Variants in ZNF85 observed in about 807,000 individuals in gnomAD.
The protein encoded by ZNF85 is zinc finger protein 85, also known as zinc finger protein 85 (HPF4, HTF1).
A neutral mutation model predicts 53.9 loss-of-function variants in ZNF85; 50 were observed. The observed-to-expected ratio is 0.93, with a 90% confidence interval of 0.74 to 1.17. ZNF85 has a LOEUF of 1.17. ZNF85 is among the 50% of genes most tolerant of loss of function. The pLI is 0.00. For missense variants in ZNF85, 747 were observed against 688.5 expected, an observed-to-expected ratio of 1.08 and a Z score of -0.95; for synonymous variants, 225 against 226.1, an observed-to-expected ratio of 1.00 and a Z score of 0.04.
At chr19:20,938,031 A>G (rs1008150413) in intron 3 of ZNF85, among the ~76,000 whole-genome samples, 5 of 152,128 alleles carry the variant, frequency 3.3e-5, no homozygotes, top group Non-Finnish European at 7.4e-5. Flanking sequence ...TCTTAGAGGC[A>G]CTTATTTTGG....
chr19:20,949,511 A>G lies in ZNF85; in HGVS notation c.997A>G (p.Lys333Glu), dbSNP rs1258533702. ...GCAGTCCTCAAACCTTACTACACAT[A>G]AGATAATTCATACTGGAGAGAAACC... ...FKQSSNLTTH[K>E]IIHTGEKPYK... The change falls in exon 4 of 4, where the codon AAG becomes GAG. Residue 333 changes from lysine to glutamate, a missense_variant. Coordinates refer to ENST00000328178, the MANE Select transcript of ZNF85 (RefSeq NM_003429.5). 1 of 1,613,498 alleles carries G rather than the reference A, an allele frequency of 6.2e-7. No homozygotes were observed.
At chr19:20,924,816 C>G (rs927944877) in intron 1 of ZNF85, among the ~76,000 whole-genome samples, 1 of 152,166 alleles carries the variant, frequency 6.6e-6, no homozygotes, top group South Asian at 2.1e-4. Flanking sequence ...AAAAAAATCT[C>G]TGTGTCTCTT....
chr19:20,934,133 G>C lies in ZNF85; in HGVS notation c.113G>C (p.Arg38Thr). ...LYRNVMLENY[R>T]NLVFLGITVS... ...AGAAATGTGATGTTAGAGAACTACA[G>C]AAACCTGGTCTTCCTGGGTGAGGAT... Residue 38 changes from arginine (R) to threonine (T), a missense_variant, in exon 2 of 4, where the codon AGA (arginine) becomes ACA (threonine). Transcript: ENST00000328178. The C allele has an allele frequency of 6.2e-7, 1 of 1,612,302 alleles. No homozygotes were observed. The highest frequency in any genetic ancestry group is 8.5e-7 in the Non-Finnish European group (1 of 1,179,012).
Position 20,939,940 on chromosome 19 carries a change from G to A in ZNF85, c.229+4893G>A, listed in dbSNP as rs549904620. Among the ~76,000 whole-genome samples, 14 of 151,692 alleles carry A rather than the reference G, an allele frequency of 9.2e-5. No homozygotes were observed. The East Asian group carries it at 1.8e-3, about 19-fold the overall frequency. ...TCGAACTCCCGACCTCAGGTGATCC[G>A]CCCACCTCAGCCTCCCAAAGTGCTG... is the stretch of plus-strand genomic sequence containing the variant. On this transcript the variant is annotated intron_variant, in intron 3 of 3. Coordinates refer to ENST00000328178, the MANE Select transcript of ZNF85 (RefSeq NM_003429.5).
At chr19:20,923,820 G>C (rs1972817127) in intron 1 of ZNF85, among the ~76,000 whole-genome samples, 4 of 152,100 alleles carry the variant, frequency 2.6e-5, no homozygotes, top group Non-Finnish European at 5.9e-5. Flanking sequence ...GGTGGCTCAC[G>C]CCTGTAATTT....
At chr19:20,942,873 T>C (rs1249072313) in intron 3 of ZNF85, 18 of 694,648 alleles carry the variant, frequency 2.6e-5, no homozygotes, top group Non-Finnish European at 4.7e-5. Flanking sequence ...CCTTCTGGGG[T>C]CAAGTGATTG....
intron 3 of ZNF85, among the ~76,000 whole-genome samples, chr19:20,940,867 G>T (rs1315268243): frequency 6.6e-6 from 1 of 152,134 alleles, no homozygotes; most frequent in Non-Finnish European, 1.5e-5. Context: ...TTCATTATAT[G>T]TATATGTTAC....
At chr19:20,940,908 A>C (rs1457421030) in intron 3 of ZNF85, among the ~76,000 whole-genome samples, 1 of 152,202 alleles carries the variant, frequency 6.6e-6, no homozygotes, top group Non-Finnish European at 1.5e-5. Context: ...ATCAAGGGAC[A>C]TCTGGGTTGC....
In ZNF85 at chr19:20,949,922, A is replaced by T; in HGVS notation, c.1408A>T (p.Thr470Ser). The change falls in exon 4 of 4, where the codon ACT (threonine) becomes TCT (serine). Residue 470 changes from threonine to serine, a missense_variant. By Grantham distance (58) the Thr-to-Ser change is moderately conservative. Transcript: ENST00000328178. ...GKAFNQSSNLTRHKKSHTEEK... is the reference protein window; with the variant it reads ...GKAFNQSSNLSRHKKSHTEEK... ...AGCTTTTAACCAGTCCTCAAATCTT[A>T]CTAGACATAAGAAAAGTCATACAGA... The T allele has an allele frequency of 7.4e-6, 12 of 1,612,450 alleles. No homozygotes were observed. Among genetic ancestry groups the T allele is most frequent in the Non-Finnish European group, 1.0e-5 (12 of 1,179,132 alleles).
At chr19:20,948,534 C>T (rs1341493961) in intron 3 of ZNF85, among the ~76,000 whole-genome samples, 1 of 152,108 alleles carries the variant, frequency 6.6e-6, no homozygotes, top group East Asian at 1.9e-4. Flanking sequence ...GGGCACTGCA[C>T]ACACTTAACT....
intron 3 of ZNF85, among the ~76,000 whole-genome samples, chr19:20,942,335 G>C (rs1030776976): frequency 6.6e-6 from 1 of 151,926 alleles, no homozygotes; most frequent in African/African-American, 2.4e-5. Context: ...GTAGAGACGG[G>C]GTTTCAGTAT....
At position 20,948,822 on chromosome 19, in the gene ZNF85, G is replaced by A. The variant is rs781381625; in HGVS notation, c.308G>A (p.Arg103Lys). The change falls in exon 4 of 4, where the codon AGA becomes AAA. Residue 103 changes from arginine (R) to lysine (K), a missense_variant. Arg to Lys is a conservative substitution (Grantham distance 26). Transcript: ENST00000328178. The part of the protein sequence containing the change: ...KDSFQKVTLK[R>K]YGKCRHENLP... Reference sequence around the variant, plus strand: ...TCTTTCCAAAAAGTGACACTGAAAAGATATGGAAAATGTAGACATGAAAAT... The same window carrying A: ...TCTTTCCAAAAAGTGACACTGAAAAAATATGGAAAATGTAGACATGAAAAT... 1.2e-6 allele frequency: 2 copies of A among 1,612,304 alleles called. No homozygotes were observed. The highest frequency in any genetic ancestry group is 1.7e-5 in the Admixed American group (1 of 59,774).
Position 20,940,435 on chromosome 19 carries a change from A to G in ZNF85, c.229+5388A>G, listed in dbSNP as rs1311906811. On this transcript the variant is annotated intron_variant, in intron 3 of 3. Transcript: ENST00000328178. Reference sequence around the variant, plus strand: ...ACTTGTGGTCCAAGATCTTTGGAAGATTGAAGAAAGAGGATTACTTGAGCC... The same window carrying G: ...ACTTGTGGTCCAAGATCTTTGGAAGGTTGAAGAAAGAGGATTACTTGAGCC... Among the ~76,000 whole-genome samples, 7 of 152,268 alleles carry G rather than the reference A, an allele frequency of 4.6e-5. No homozygotes were observed. In the East Asian group the frequency reaches 1.4e-3, roughly 29 times the overall value.
chr19:20,940,054 C>G (rs185811471), intron 3 of ZNF85, among the ~76,000 whole-genome samples: 1 of 150,390 alleles, frequency 6.6e-6, no homozygotes, highest in East Asian at 2.0e-4. Context: ...TATGGAGATA[C>G]TCTTATTTTT....
intron 3 of ZNF85, chr19:20,937,393 C>T (rs1296686905): frequency 1.3e-5 from 6 of 455,586 alleles, no homozygotes; most frequent in Non-Finnish European, 2.6e-5. Flanking sequence ...CCCAGGGTGA[C>T]GGGATGCCCT....
At chr19:20,930,225 A>G (rs1327454939) in intron 1 of ZNF85, among the ~76,000 whole-genome samples, 4 of 152,066 alleles carry the variant, frequency 2.6e-5, no homozygotes, top group African/African-American at 9.7e-5. Flanking sequence ...AAACAGATAA[A>G]TGGTAAAAAT....
intron 3 of ZNF85, among the ~76,000 whole-genome samples, chr19:20,947,091 C>A (rs1201782405): frequency 6.6e-6 from 1 of 151,628 alleles, no homozygotes; most frequent in Admixed American, 6.6e-5. Flanking sequence ...TTTTATATCT[C>A]TATACAGATT....
At chr19:20,930,360 A>C (rs1972985661) in intron 1 of ZNF85, among the ~76,000 whole-genome samples, 1 of 150,820 alleles carries the variant, frequency 6.6e-6, no homozygotes, top group Admixed American at 6.6e-5. Context: ...AAGTCACATA[A>C]AATTAAATAC....
intron 1 of ZNF85, among the ~76,000 whole-genome samples, chr19:20,929,845 G>C (rs966519273): frequency 6.6e-6 from 1 of 152,152 alleles, no homozygotes; most frequent in African/African-American, 2.4e-5. Context: ...TTTGGGCCAG[G>C]CGTGGTGGCT....
Sources: gnomAD v4.1 joint callset for allele counts (sites outside exome capture counted in the v4.1 genomes callset) on GRCh38, gnomAD v4.1.1 for gene constraint, MANE v1.5 for transcripts, NCBI Gene and HGNC (gene_info 2026-07-23, HGNC 2026-07-21) for gene names.